The following NUDCD2 variants were observed in gnomAD, a reference collection of about 807,000 sequenced individuals.
NUDCD2 encodes the protein nudC domain-containing protein 2.
Under a neutral mutation model 20.8 loss-of-function variants are expected in NUDCD2, and 16 were observed. The ratio of observed to expected loss-of-function variants is 0.77; its 90% CI spans 0.52 to 1.17. The LOEUF is 1.17. Among genes scored for constraint, NUDCD2 ranks in the 50% most tolerant of loss-of-function variants. NUDCD2 has a pLI of 0.00. For missense variants in NUDCD2, 199 were observed against 193.9 expected, an observed-to-expected ratio of 1.03 and a Z score of -0.16; for synonymous variants, 87 against 72.8, an observed-to-expected ratio of 1.20 and a Z score of -1.00.
At chr5:163,456,688 T>C (rs935813134) in intron 3 of NUDCD2, among the ~76,000 whole-genome samples, 4 of 152,218 alleles carry the variant, frequency 2.6e-5, no homozygotes, top group African/African-American at 9.6e-5. Flanking sequence ...GCATTACTGA[T>C]GTACATAAAA....
rs1206398932 is a variant in NUDCD2 at position 163,459,947 on chromosome 5, G to A, written c.104C>T (p.Pro35Leu). 1 of 1,613,416 alleles carries A rather than the reference G, an allele frequency of 6.2e-7. No homozygotes were observed. The highest frequency in any genetic ancestry group is 8.5e-7 in the Non-Finnish European group (1 of 1,179,878). The change falls in exon 1 of 4, where the codon CCG (proline) becomes CTG (leucine). Residue 35 changes from proline (P) to leucine (L), a missense_variant. Physicochemically the swap from Pro to Leu is moderately conservative, Grantham distance 98. Transcript: ENST00000302764. ...GATATCCTGGGCGCGCGTGCCTGGC[G>A]GCACCTGAACTTCAATGAACACCTC... The part of the protein sequence containing the change: ...LEEVFIEVQV[P>L]PGTRAQDIQC...
At chr5:163,454,775 C>T (rs1187404566) in intron 3 of NUDCD2, among the ~76,000 whole-genome samples, 2 of 152,086 alleles carry the variant, frequency 1.3e-5, no homozygotes, top group Non-Finnish European at 2.9e-5. Flanking sequence ...TGGGCTATTT[C>T]GTTTATCCAA....
Position 163,460,039 on chromosome 5 carries a change from C to A in NUDCD2, c.12G>T (p.Pro4=). The A allele has an allele frequency of 1.3e-6, 2 of 1,591,488 alleles. No individual in the cohort carries two copies. Among genetic ancestry groups the A allele is most frequent in the Non-Finnish European group, 1.7e-6 (2 of 1,170,522 alleles). Residue 4 remains proline (P), a synonymous_variant, in exon 1 of 4, where the codon CCG becomes CCT. Coordinates refer to ENST00000302764, the MANE Select transcript of NUDCD2 (RefSeq NM_145266.6). ...GTACCACCCCACTCCGCTCCTCAAACGGGGCCGACATAATCCAGTCCCTCC... is the reference window on the plus strand; with the variant it reads ...GTACCACCCCACTCCGCTCCTCAAAAGGGGCCGACATAATCCAGTCCCTCC... The part of the protein sequence containing the change: MSA[P]FEERSGVVPC...
At position 163,450,705 on chromosome 5, in the gene NUDCD2, C is replaced by T. The variant is rs1395014306; in HGVS notation, c.*3262G>A. On this transcript the variant is annotated 3_prime_UTR_variant, in exon 4 of 4. Coordinates refer to ENST00000302764, the MANE Select transcript of NUDCD2 (RefSeq NM_145266.6). ...ATGCAGAGAAAATGGAACCTGCATA[C>T]ACTGCTGGTGGGAAAGTAAAAAGAT... 2 of 152,200 alleles carry T rather than the reference C, an allele frequency of 1.3e-5. No individual in the cohort carries two copies. The highest frequency in any genetic ancestry group is 2.9e-5 in the Non-Finnish European group (2 of 68,040). The allele number at this position is 152,200 out of a possible 1,614,324, so 9.4% of individuals were successfully genotyped here. A position where few individuals can be genotyped will look rare whatever the true frequency, so the allele number is the denominator to read the frequency against.
In NUDCD2 at chr5:163,460,066, G is replaced by A. The variant is rs1329033167; in HGVS notation, c.-16C>T. On this transcript the variant is annotated 5_prime_UTR_variant, in exon 1 of 4. Transcript: ENST00000302764. ...GGGCCGACATAATCCAGTCCCTCCC[G>A]GCCGCGGCCGCACCAGGCGGAGCCG... 2 of 1,531,492 alleles carry A rather than the reference G, an allele frequency of 1.3e-6. No homozygotes were observed. Among genetic ancestry groups the A allele is most frequent in the African/African-American group, 1.4e-5 (1 of 71,614 alleles). The allele number at this position is 1,531,492 out of a possible 1,614,324, so 94.9% of individuals were successfully genotyped here.
At chr5:163,456,136 C>G (rs1269362211) in intron 3 of NUDCD2, among the ~76,000 whole-genome samples, 1 of 152,054 alleles carries the variant, frequency 6.6e-6, no homozygotes, top group Non-Finnish European at 1.5e-5. Flanking sequence ...GTTGAATAGG[C>G]AACCGGGTAT....
chr5:163,456,915 T>C lies in NUDCD2; in HGVS notation c.390+14A>G. The C allele has an allele frequency of 6.3e-7, 1 of 1,584,018 alleles. No individual in the cohort carries two copies. Among genetic ancestry groups the C allele is most frequent in the Non-Finnish European group, 8.6e-7 (1 of 1,162,882 alleles). ...TATTTAATTACACATACTCATACAC[T>C]TCATCTGACTTACTTCTTTTTGGAA... On this transcript the variant is annotated intron_variant, in intron 3 of 3. Coordinates refer to ENST00000302764, the MANE Select transcript of NUDCD2 (RefSeq NM_145266.6).
At chr5:163,457,293 G>C (rs866147107) in intron 2 of NUDCD2, among the ~76,000 whole-genome samples, 5 of 151,996 alleles carry the variant, frequency 3.3e-5, no homozygotes, top group South Asian at 2.1e-4. Flanking sequence ...CACCATGCCC[G>C]GCTAACTTTT....
rs1356015576 is a variant in NUDCD2, at chr5:163,447,901, G to C, written c.*6066C>G. On this transcript the variant is annotated 3_prime_UTR_variant, in exon 4 of 4. Coordinates refer to ENST00000302764, the MANE Select transcript of NUDCD2 (RefSeq NM_145266.6). ...ATAAATGAAAATATCACCGTGCTTG[G>C]AATGCAGCCATGCTGGTGCTGCAAT... 6.6e-6 allele frequency: 1 copy of C among 152,160 alleles called. No individual in the cohort carries two copies. The highest frequency in any genetic ancestry group is 1.5e-5 in the Non-Finnish European group (1 of 68,034). The allele number at this position is 152,160 out of a possible 1,614,324, so 9.4% of individuals were successfully genotyped here. A position where few individuals can be genotyped will look rare whatever the true frequency, so the allele number is the denominator to read the frequency against.
rs9885135 is a variant in NUDCD2 at position 163,453,659 on chromosome 5, G to C, written c.*308C>G. ...CCCAAAGGCACCCTTCATTTCACAT[G>C]ATCTATACTCTAATGTTCTTTTGTA... is the stretch of plus-strand genomic sequence containing the variant. On this transcript the variant is annotated 3_prime_UTR_variant, in exon 4 of 4. Coordinates refer to ENST00000302764, the MANE Select transcript of NUDCD2 (RefSeq NM_145266.6). 1.9e-3 allele frequency: 347 copies of C among 184,650 alleles called. No homozygotes were observed. The highest frequency in any genetic ancestry group is 7.7e-3 in the African/African-American group (332 of 42,848). 11.4% of individuals were successfully genotyped at this position (184,650 alleles called of 1,614,324 possible). A position where few individuals can be genotyped will look rare whatever the true frequency, so the allele number is the denominator to read the frequency against.
chr5:163,459,688 G>A (rs1758424397), intron 1 of NUDCD2, 174 bp downstream of exon 1: 2 of 493,704 alleles, frequency 4.1e-6, no homozygotes, highest in South Asian at 3.3e-5. Flanking sequence ...CCACAACTCA[G>A]CACCTGCCCT....
intron 2 of NUDCD2, 138 bp from the exon 3 acceptor site, chr5:163,457,218 G>T: frequency 1.2e-6 from 1 of 859,280 alleles, no homozygotes; most frequent in Non-Finnish European, 1.7e-6. Flanking sequence ...TGAAACCTCC[G>T]CCCCCCGGGT....
rs1357335147 is a variant in NUDCD2 at position 163,452,626 on chromosome 5, TA to T, written c.*1340del. 6.6e-6 allele frequency: 1 copy of T among 152,194 alleles called. No homozygotes were observed. Among genetic ancestry groups the T allele is most frequent in the Non-Finnish European group, 1.5e-5 (1 of 68,028 alleles). 9.4% of individuals were successfully genotyped at this position (152,194 alleles called of 1,614,324 possible). A position where few individuals can be genotyped will look rare whatever the true frequency, so the allele number is the denominator to read the frequency against. ...CTCAAGAAATAATTATAAAAATAAC[TA>T]CAGTGGAGAAGTCTGGCAGACACTA... On this transcript the variant is annotated 3_prime_UTR_variant, in exon 4 of 4. Coordinates refer to ENST00000302764, the MANE Select transcript of NUDCD2 (RefSeq NM_145266.6).
chr5:163,454,583 C>T (rs1174927646), intron 3 of NUDCD2, among the ~76,000 whole-genome samples: 4 of 152,218 alleles, frequency 2.6e-5, no homozygotes, highest in South Asian at 4.1e-4. Flanking sequence ...TCCGGTGATC[C>T]GCCTGCCTCA....
In NUDCD2 at chr5:163,447,113, G is replaced by T. The variant is rs1213306521; in HGVS notation, c.*6854C>A. On this transcript the variant is annotated 3_prime_UTR_variant, in exon 4 of 4. Transcript: ENST00000302764. ...ATTATATAATGATAAAATTCACCAAGACAGTGCTAAAAGTGTAAGCACTTA... is the reference window on the plus strand; with the variant it reads ...ATTATATAATGATAAAATTCACCAATACAGTGCTAAAAGTGTAAGCACTTA... 1 of 152,172 alleles carries T rather than the reference G, an allele frequency of 6.6e-6. No homozygotes were observed. Among genetic ancestry groups the T allele is most frequent in the African/African-American group, 2.4e-5 (1 of 41,438 alleles). The allele number at this position is 152,172 out of a possible 1,614,324, so 9.4% of individuals were successfully genotyped here.
Position 163,449,854 on chromosome 5 carries a change from A to G in NUDCD2, c.*4113T>C, listed in dbSNP as rs1758133943. On this transcript the variant is annotated 3_prime_UTR_variant, in exon 4 of 4. Transcript: ENST00000302764. ...ACGATTTTAAAACAACTGAACATCC[A>G]TATGCAAAAAAATAAACCTACCTAA... is the stretch of plus-strand genomic sequence containing the variant. 6.6e-6 allele frequency: 1 copy of G among 152,236 alleles called. No individual in the cohort carries two copies. Among genetic ancestry groups the G allele is most frequent in the Non-Finnish European group, 1.5e-5 (1 of 68,034 alleles). The allele number at this position is 152,236 out of a possible 1,614,324, so 9.4% of individuals were successfully genotyped here. A position where few individuals can be genotyped will look rare whatever the true frequency, so the allele number is the denominator to read the frequency against.
chr5:163,454,031 C>A lies in NUDCD2; in HGVS notation c.410G>T (p.Ser137Ile). 6.4e-7 allele frequency: 1 copy of A among 1,553,850 alleles called. No homozygotes were observed. Among genetic ancestry groups the A allele is most frequent in the Non-Finnish European group, 8.7e-7 (1 of 1,145,068 alleles). The change falls in exon 4 of 4, where the codon AGT becomes ATT. Residue 137 changes from serine (S) to isoleucine (I), a missense_variant. Physicochemically the swap from Ser to Ile is moderately radical, Grantham distance 142. Transcript: ENST00000302764. ...GTAGTTTCCTGAGATTTCTGCTCCACTGAAGTCAAAACCAGGATTCTAAAA... is the reference window on the plus strand; with the variant it reads ...GTAGTTTCCTGAGATTTCTGCTCCAATGAAGTCAAAACCAGGATTCTAAAA... Reference protein sequence around the residue: ...FQKENPGFDFSGAEISGNYTK... With the variant: ...FQKENPGFDFIGAEISGNYTK...
At position 163,448,299 on chromosome 5, in the gene NUDCD2, C is replaced by T. The variant is rs1023011656; in HGVS notation, c.*5668G>A. The T allele has an allele frequency of 6.6e-6, 1 of 151,384 alleles. No individual in the cohort carries two copies. Among genetic ancestry groups the T allele is most frequent in the South Asian group, 2.1e-4 (1 of 4,786 alleles). The allele number at this position is 151,384 out of a possible 1,614,324, so 9.4% of individuals were successfully genotyped here. A position where few individuals can be genotyped will look rare whatever the true frequency, so the allele number is the denominator to read the frequency against. ...TGAAAAGAGCAGTAAAATTGATAAA[C>T]CTCTGGCAAAATTGACAAAAAAAGA... On this transcript the variant is annotated 3_prime_UTR_variant, in exon 4 of 4. Transcript: ENST00000302764.
chr5:163,458,790 C>T (rs1028146612), intron 1 of NUDCD2, among the ~76,000 whole-genome samples: 1 of 147,754 alleles, frequency 6.8e-6, no homozygotes, highest in Non-Finnish European at 1.5e-5. Flanking sequence ...CTGCTAAATT[C>T]CGAAAGTTAC....
Sources: allele counts gnomAD v4.1 joint callset (sites outside exome capture counted in the v4.1 genomes callset), GRCh38; gene constraint gnomAD v4.1.1; transcripts MANE v1.5; gene names NCBI Gene and HGNC (gene_info 2026-07-23, HGNC 2026-07-21).